Variants in ANKRD6 observed in about 807,000 individuals in gnomAD.
ANKRD6 encodes ankyrin repeat domain 6.
A neutral mutation model predicts 82.3 loss-of-function variants in ANKRD6; 56 were observed. The ratio of observed to expected loss-of-function variants is 0.68; its 90% CI spans 0.55 to 0.85. The LOEUF (loss-of-function observed/expected upper bound fraction) is 0.85, where lower values mean the gene tolerates loss of function less well. Among genes scored for constraint, ANKRD6 ranks in the 40% least tolerant of loss-of-function variants. ANKRD6 has a pLI of 0.00. For synonymous variants in ANKRD6, 347 were observed against 352.1 expected (o/e 0.99, Z 0.16); for missense variants, 852 against 907.6 (o/e 0.94, Z 0.79).
At chr6:89,630,097 A>T (rs1233659291) in intron 15 of ANKRD6, among the ~76,000 whole-genome samples, 2 of 152,242 alleles carry the variant, frequency 1.3e-5, no homozygotes, top group African/African-American at 2.4e-5. Flanking sequence ...GAGCGGCATC[A>T]TCCTTAGGCA....
intron 2 of ANKRD6, among the ~76,000 whole-genome samples, chr6:89,588,520 C>T (rs966480363): frequency 6.6e-6 from 1 of 152,188 alleles, no homozygotes; most frequent in African/African-American, 2.4e-5. Flanking sequence ...CACCATTTCT[C>T]CTTGTCTGGG....
At chr6:89,454,639 G>A (rs1034053256) in intron 1 of ANKRD6, among the ~76,000 whole-genome samples, 10 of 152,216 alleles carry the variant, frequency 6.6e-5, no homozygotes, top group African/African-American at 1.7e-4. Flanking sequence ...AGTAAAATTT[G>A]AGGTACGTCA....
intron 2 of ANKRD6, among the ~76,000 whole-genome samples, chr6:89,579,670 T>C (rs1792021191): frequency 6.7e-6 from 1 of 149,084 alleles, no homozygotes; most frequent in East Asian, 2.0e-4. Context: ...GGCAGGAGAA[T>C]TGCTTGAACC....
chr6:89,552,588 A>AG (rs1786001486), intron 1 of ANKRD6, among the ~76,000 whole-genome samples: 1 of 152,182 alleles, frequency 6.6e-6, no homozygotes, highest in Non-Finnish European at 1.5e-5. Flanking sequence ...AGGGCTTGGA[A>AG]ATCTAATTGG....
At chr6:89,577,247 A>T (rs1331976486) in intron 2 of ANKRD6, among the ~76,000 whole-genome samples, 1 of 152,016 alleles carries the variant, frequency 6.6e-6, no homozygotes, top group Non-Finnish European at 1.5e-5. Context: ...ACATCCCTCC[A>T]CTGACGCTTC....
At chr6:89,501,216 G>C (rs1483973747) in intron 1 of ANKRD6, among the ~76,000 whole-genome samples, 1 of 152,108 alleles carries the variant, frequency 6.6e-6, no homozygotes, top group East Asian at 1.9e-4. Flanking sequence ...ACGATTAATT[G>C]TTTTCCCTTA....
chr6:89,607,554 G>A (rs1463441243), intron 5 of ANKRD6, among the ~76,000 whole-genome samples: 3 of 151,690 alleles, frequency 2.0e-5, no homozygotes, highest in African/African-American at 4.8e-5. Context: ...ATTAACAGTG[G>A]TTATCTCTGG....
intron 1 of ANKRD6, among the ~76,000 whole-genome samples, chr6:89,566,365 C>T (rs1462701786): frequency 6.6e-6 from 1 of 152,230 alleles, no homozygotes; most frequent in Non-Finnish European, 1.5e-5. Flanking sequence ...AGAACCCACT[C>T]AGCAGGGTCT....
At chr6:89,619,599 G>A (rs1802484716) in intron 9 of ANKRD6, 1 of 152,154 alleles carries the variant, frequency 6.6e-6, no homozygotes, top group Non-Finnish European at 1.5e-5. Context: ...GTTTCTCCAT[G>A]CTTACATCGA....
chr6:89,613,680 C>G lies in ANKRD6; in HGVS notation c.517-112C>G. 8 of 956,742 alleles carry G rather than the reference C, an allele frequency of 8.4e-6. No individual in the cohort carries two copies. In the South Asian group the frequency reaches 1.3e-4, roughly 16 times the overall value. 59.3% of individuals were successfully genotyped at this position (956,742 alleles called of 1,614,324 possible). A position where few individuals can be genotyped will look rare whatever the true frequency, so the allele number is the denominator to read the frequency against. On this transcript the variant is annotated intron_variant, in intron 6 of 15. Transcript: ENST00000339746. The stretch of plus-strand genomic sequence containing the variant: ...ATGTTAAAAGAGCTGCTTATGATTC[C>G]CTAAAGAGTACATGATAGTCTGCTA...
intron 1 of ANKRD6, among the ~76,000 whole-genome samples, chr6:89,448,637 A>T (rs1772395570): frequency 6.6e-6 from 1 of 152,174 alleles, no homozygotes; most frequent in Non-Finnish European, 1.5e-5. Flanking sequence ...AAGAGCTCTG[A>T]TGGCATTGTA....
At chr6:89,494,105 C>T (rs1040600411) in intron 1 of ANKRD6, among the ~76,000 whole-genome samples, 2 of 151,858 alleles carry the variant, frequency 1.3e-5, no homozygotes, top group African/African-American at 4.8e-5. Flanking sequence ...CACTTGAGAC[C>T]AGGAGTTTGA....
chr6:89,442,416 G>T (rs962078541), intron 1 of ANKRD6, among the ~76,000 whole-genome samples: 2 of 151,764 alleles, frequency 1.3e-5, no homozygotes, highest in Admixed American at 6.6e-5. Context: ...TTGAGCCTGG[G>T]AGTTCAAGAC....
At chr6:89,627,111 C>G (rs980054838) in intron 13 of ANKRD6, among the ~76,000 whole-genome samples, 13 of 144,582 alleles carry the variant, frequency 9.0e-5, no homozygotes, top group Admixed American at 2.8e-4. Context: ...GTCTCTCTCT[C>G]TTTTTTTTTT....
Position 89,578,831 on chromosome 6 carries a change from A to G in ANKRD6, c.120+11735A>G, listed in dbSNP as rs555331226. The stretch of plus-strand genomic sequence containing the variant: ...GTGCTAGACAGAAAGTAACTTGCCC[A>G]TGACCAAAGAAGTAGTAGGTGCTAG... On this transcript the variant is annotated intron_variant, in intron 2 of 15. Coordinates refer to ENST00000339746, the MANE Select transcript of ANKRD6 (RefSeq NM_001242809.2). 3.0e-4 allele frequency among the ~76,000 whole-genome samples: 45 copies of G among 152,298 alleles called. No homozygotes were observed. In the South Asian group the frequency reaches 8.5e-3, roughly 29 times the overall value.
chr6:89,537,879 CAAAAAAAAA>C (rs55864526), intron 1 of ANKRD6, among the ~76,000 whole-genome samples: 2 of 110,814 alleles, frequency 1.8e-5, no homozygotes, highest in Non-Finnish European at 3.6e-5. Flanking sequence ...GACAATGTCT[CAAAAAAAAA>C]AAAAAAAAAA....
Position 89,444,728 on chromosome 6 carries a change from G to A in ANKRD6, c.-144+11353G>A, listed in dbSNP as rs534010807. On this transcript the variant is annotated intron_variant, in intron 1 of 15. Transcript: ENST00000339746. The stretch of plus-strand genomic sequence containing the variant: ...CACGCCTGTAATCCCAGCACTTTGG[G>A]AGGTTGAGGTGGGCGGATCACCTGA... Among the ~76,000 whole-genome samples, 25 of 152,320 alleles carry A rather than the reference G, an allele frequency of 1.6e-4. No individual in the cohort carries two copies. In the East Asian group the frequency reaches 4.4e-3, roughly 27 times the overall value.
At chr6:89,499,916 A>C (rs1343034382) in intron 1 of ANKRD6, among the ~76,000 whole-genome samples, 1 of 152,170 alleles carries the variant, frequency 6.6e-6, no homozygotes, top group African/African-American at 2.4e-5. Context: ...ACTGCAAACC[A>C]AAGAGTAATG....
At chr6:89,558,141 G>A (rs560795444) in intron 1 of ANKRD6, among the ~76,000 whole-genome samples, 4 of 152,302 alleles carry the variant, frequency 2.6e-5, no homozygotes, top group Admixed American at 2.0e-4. Context: ...GAGGACTGCT[G>A]TGTTAGAAGA....
Sources: gnomAD v4.1 joint callset for allele counts (sites outside exome capture counted in the v4.1 genomes callset) on GRCh38, gnomAD v4.1.1 for gene constraint, MANE v1.5 for transcripts, NCBI Gene and HGNC (gene_info 2026-07-23, HGNC 2026-07-21) for gene names.